Variants in PPP4R3A observed in about 807,000 individuals in gnomAD.
PPP4R3A encodes the protein serine/threonine-protein phosphatase 4 regulatory subunit 3A.
A neutral mutation model predicts 91.7 loss-of-function variants in PPP4R3A; 15 were observed. The ratio of observed to expected loss-of-function variants is 0.16; its 90% CI spans 0.11 to 0.25. The LOEUF is 0.25. PPP4R3A is among the 10% of genes least tolerant of loss of function. The probability of loss-of-function intolerance (pLI) is 1.00; values close to 1 mark genes in which losing one functional copy is unlikely to be tolerated. For synonymous variants in PPP4R3A, 377 were observed against 348.7 expected, an observed-to-expected ratio of 1.08 and a Z score of -0.91; for missense variants, 623 against 998.4, an observed-to-expected ratio of 0.62 and a Z score of 5.07.
chr14:91,471,518 C>CCT (rs1888829733), intron 9 of PPP4R3A, among the ~76,000 whole-genome samples: 1 of 152,166 alleles, frequency 6.6e-6, no homozygotes, highest in African/African-American at 2.4e-5. Context: ...AGGCAGCAAG[C>CCT]CTCTGAAAGG....
At chr14:91,489,150 G>A (rs528186026) in intron 2 of PPP4R3A, among the ~76,000 whole-genome samples, 529 of 152,014 alleles carry the variant, frequency 3.5e-3, no homozygotes, top group Non-Finnish European at 5.9e-3. Context: ...CTCATGATCC[G>A]CCTGCCTCGG....
chr14:91,495,884 A>G (rs1257826339), intron 1 of PPP4R3A, among the ~76,000 whole-genome samples: 1 of 152,102 alleles, frequency 6.6e-6, no homozygotes, highest in Non-Finnish European at 1.5e-5. Flanking sequence ...ATGCCACTGC[A>G]CTCCAGCCTA....
chr14:91,503,824 G>C (rs1048478678), intron 1 of PPP4R3A, among the ~76,000 whole-genome samples: 3 of 152,120 alleles, frequency 2.0e-5, no homozygotes, highest in African/African-American at 7.2e-5. Context: ...CAAGTTAACA[G>C]ACACAGCATA....
intron 14 of PPP4R3A, among the ~76,000 whole-genome samples, chr14:91,460,055 A>G (rs1414909490): frequency 6.6e-6 from 1 of 151,230 alleles, no homozygotes; most frequent in African/African-American, 2.4e-5. Flanking sequence ...TCTGTCGCCC[A>G]GGCTGGAGTG....
chr14:91,507,459 A>ATATAGAATATATG, intron 1 of PPP4R3A, among the ~76,000 whole-genome samples: 1 of 135,096 alleles, frequency 7.4e-6, no homozygotes, highest in East Asian at 2.2e-4. Context: ...TAGTATATAT[A>ATATAGAATATATG]CTATAATTAT....
At chr14:91,509,443 A>C (rs372439011) in intron 1 of PPP4R3A, 63 bp downstream of exon 1, 1 of 1,534,274 alleles carries the variant, frequency 6.5e-7, no homozygotes, top group South Asian at 1.2e-5. Flanking sequence ...CCCCGCAAGA[A>C]CCAGGGAGGC....
chr14:91,507,992 CGGAT>C (rs1412881159), intron 1 of PPP4R3A, among the ~76,000 whole-genome samples: 1 of 152,060 alleles, frequency 6.6e-6, no homozygotes, highest in Non-Finnish European at 1.5e-5. Flanking sequence ...AAGAAATCTA[CGGAT>C]ACTTTCATCT....
Position 91,490,728 on chromosome 14 carries a change from C to A in PPP4R3A, c.198+19G>T. On this transcript the variant is annotated intron_variant, in intron 2 of 14. Coordinates refer to ENST00000554943, the MANE Select transcript of PPP4R3A (RefSeq NM_001366432.2). ...CAAAAGGAAAATATGCAAGATAAAA[C>A]ACATCTTCAAAATTTTACCTGTTGT... 6.3e-7 allele frequency: 1 copy of A among 1,598,226 alleles called. No individual in the cohort carries two copies. The highest frequency in any genetic ancestry group is 1.7e-5 in the Admixed American group (1 of 59,078).
At chr14:91,507,499 A>C (rs1004967590) in intron 1 of PPP4R3A, among the ~76,000 whole-genome samples, 27 of 139,028 alleles carry the variant, frequency 1.9e-4, no homozygotes, top group African/African-American at 7.3e-4. Context: ...ACTATATAGA[A>C]TATATGCTAT....
rs569682397 is a variant in PPP4R3A, at chr14:91,493,506, A to G, written c.143-2704T>C. On this transcript the variant is annotated intron_variant, in intron 1 of 14. Transcript: ENST00000554943. Reference sequence around the variant, plus strand: ...GGTGATAAGAGATCCTGTCTCAAAAAACAAAGGCAAGGTGCAGTGGCTCAT... The same window carrying G: ...GGTGATAAGAGATCCTGTCTCAAAAGACAAAGGCAAGGTGCAGTGGCTCAT... Among the ~76,000 whole-genome samples the G allele has an allele frequency of 7.3e-5, 11 of 150,202 alleles. No homozygotes were observed. The South Asian group carries it at 2.3e-3, about 31-fold the overall frequency.
chr14:91,505,109 G>A (rs577995548), intron 1 of PPP4R3A, among the ~76,000 whole-genome samples: 1 of 152,156 alleles, frequency 6.6e-6, no homozygotes, highest in African/African-American at 2.4e-5. Flanking sequence ...CATCTTAATA[G>A]ATGAATGACT....
intron 1 of PPP4R3A, among the ~76,000 whole-genome samples, chr14:91,501,810 TTCTCCTGCCTC>T (rs2140160614): frequency 6.6e-6 from 1 of 151,062 alleles, no homozygotes; most frequent in South Asian, 2.1e-4. Flanking sequence ...GTTCACGCCA[TTCTCCTGCCTC>T]AGCCTCCTGA....
intron 10 of PPP4R3A, among the ~76,000 whole-genome samples, chr14:91,468,973 C>T (rs906359210): frequency 6.6e-6 from 1 of 152,014 alleles, no homozygotes; most frequent in Non-Finnish European, 1.5e-5. Context: ...CCATTGATGG[C>T]CAAGTCCAGG....
Position 91,509,748 on chromosome 14 carries a change from G to C in PPP4R3A, c.-101C>G. ...AGGCGTGAGGGCGCCCGCGAGCGGA[G>C]GGCTCCCCGGCCTCACTGCCGCCGC... On this transcript the variant is annotated 5_prime_UTR_variant, in exon 1 of 15. Transcript: ENST00000554943. 7.3e-7 allele frequency: 1 copy of C among 1,368,218 alleles called. No individual in the cohort carries two copies. The highest frequency in any genetic ancestry group is 3.1e-5 in the East Asian group (1 of 31,874). The allele number at this position is 1,368,218 out of a possible 1,614,324, so 84.8% of individuals were successfully genotyped here.
At chr14:91,508,212 G>T (rs1891534045) in intron 1 of PPP4R3A, among the ~76,000 whole-genome samples, 1 of 152,094 alleles carries the variant, frequency 6.6e-6, no homozygotes, top group Non-Finnish European at 1.5e-5. Context: ...GCCTCCAAAA[G>T]AAAATAATTT....
Position 91,461,623 on chromosome 14 carries a change from C to T in PPP4R3A, c.2165-16G>A, listed in dbSNP as rs1240564496. ...CTTTCTTTTACTAAAAATGAGAATA[C>T]TGTCAATAGTCGTCCCCCATACTTC... On this transcript the variant is annotated splice_polypyrimidine_tract_variant and intron_variant, in intron 13 of 14. Transcript: ENST00000554943. 2 of 1,610,018 alleles carry T rather than the reference C, an allele frequency of 1.2e-6. No individual in the cohort carries two copies. The highest frequency in any genetic ancestry group is 1.3e-5 in the African/African-American group (1 of 74,856).
In PPP4R3A at chr14:91,461,524, T is replaced by C. The variant is rs1486480970; in HGVS notation, c.2248A>G (p.Ser750Gly). 2 of 1,614,160 alleles carry C rather than the reference T, an allele frequency of 1.2e-6. No homozygotes were observed. The highest frequency in any genetic ancestry group is 2.2e-5 in the South Asian group (2 of 91,078). Residue 750 changes from serine (S) to glycine (G), a missense_variant, in exon 14 of 15, where the codon AGT (serine) becomes GGT (glycine). This residue lies in a region of PPP4R3A where 201 missense variants were observed against 229.9 expected (regional missense o/e 0.87). Coordinates refer to ENST00000554943, the MANE Select transcript of PPP4R3A (RefSeq NM_001366432.2). ...QSPSFKLSLS[S>G]GTKTNLTSQS... The stretch of plus-strand genomic sequence containing the variant: ...CTGGTGAGGTTAGTCTTCGTTCCAC[T>C]GGACAGGGAAAGCTTGAAACTTGGG...
At chr14:91,459,300 T>C (rs1190673532) in intron 14 of PPP4R3A, among the ~76,000 whole-genome samples, 1 of 151,986 alleles carries the variant, frequency 6.6e-6, no homozygotes, top group African/African-American at 2.4e-5. Context: ...GAGACAGGGT[T>C]TTGTCATGTT....
intron 1 of PPP4R3A, among the ~76,000 whole-genome samples, chr14:91,505,542 A>G (rs76127250): frequency 0.12 from 18,579 of 152,126 alleles, 1,585 homozygotes; most frequent in Non-Finnish European, 0.16. Flanking sequence ...CTGATAGCCT[A>G]TTTCTAAGGT....
Sources: allele counts gnomAD v4.1 joint callset (sites outside exome capture counted in the v4.1 genomes callset), GRCh38; gene constraint gnomAD v4.1.1; regional missense constraint gnomAD v4.1.1; transcripts MANE v1.5; gene names NCBI Gene and HGNC (gene_info 2026-07-23, HGNC 2026-07-21).